Variants in CNTNAP5 observed in about 807,000 individuals in gnomAD.
CNTNAP5 encodes contactin associated protein family member 5.
In CNTNAP5, 72 loss-of-function variants were observed where a neutral mutation model predicts 150.2. The ratio of observed to expected loss-of-function variants is 0.48; its 90% CI spans 0.40 to 0.58. The LOEUF (loss-of-function observed/expected upper bound fraction) is 0.58, where lower values mean the gene tolerates loss of function less well. Among genes scored for constraint, CNTNAP5 ranks in the 20% least tolerant of loss-of-function variants. CNTNAP5 has a pLI of 0.00. For missense variants in CNTNAP5, 1,636 were observed against 1,626.2 expected (o/e 1.01, Z -0.10); for synonymous variants, 672 against 619.8 (o/e 1.08, Z -1.25).
At chr2:124,342,139 A>C (rs1689634466) in intron 3 of CNTNAP5, among the ~76,000 whole-genome samples, 1 of 152,166 alleles carries the variant, frequency 6.6e-6, no homozygotes, top group Admixed American at 6.6e-5. Flanking sequence ...AGTCACTCTA[A>C]TTTTTACCAA....
At chr2:124,511,489 CCTACCTGTGCT>C (rs1694588162) in intron 8 of CNTNAP5, among the ~76,000 whole-genome samples, 1 of 152,202 alleles carries the variant, frequency 6.6e-6, no homozygotes. Context: ...TGTGCGTCAG[CCTACCTGTGCT>C]CTAATCAGAT....
At chr2:124,302,894 C>A (rs1573902575) in intron 3 of CNTNAP5, among the ~76,000 whole-genome samples, 2 of 152,196 alleles carry the variant, frequency 1.3e-5, no homozygotes, top group Non-Finnish European at 1.5e-5. Context: ...ATCTTGTCAC[C>A]AGATTCTGGC....
At chr2:124,810,201 C>T (rs1682177461) in intron 19 of CNTNAP5, among the ~76,000 whole-genome samples, 1 of 152,152 alleles carries the variant, frequency 6.6e-6, no homozygotes, top group Non-Finnish European at 1.5e-5. Context: ...TAACGCAACA[C>T]ACATTTATCA....
chr2:124,029,360 G>A (rs1160621170), intron 1 of CNTNAP5, among the ~76,000 whole-genome samples: 1 of 152,048 alleles, frequency 6.6e-6, no homozygotes, highest in Non-Finnish European at 1.5e-5. Flanking sequence ...GTCACCACAA[G>A]TAAAGGAAGC....
At chr2:124,764,229 G>A (rs985383926) in intron 16 of CNTNAP5, 82 bp downstream of exon 16, 5 of 1,054,636 alleles carry the variant, frequency 4.7e-6, no homozygotes, top group Non-Finnish European at 7.2e-6. Flanking sequence ...TCACTAGTGG[G>A]CATTTGTACC....
At chr2:124,588,688 C>T (rs997114385) in intron 11 of CNTNAP5, among the ~76,000 whole-genome samples, 2 of 151,970 alleles carry the variant, frequency 1.3e-5, no homozygotes, top group Non-Finnish European at 2.9e-5. Flanking sequence ...GTCAGGGTGA[C>T]GTCAATGTAA....
intron 12 of CNTNAP5, among the ~76,000 whole-genome samples, chr2:124,628,186 C>G (rs1016710743): frequency 6.6e-6 from 1 of 152,068 alleles, no homozygotes; most frequent in Non-Finnish European, 1.5e-5. Flanking sequence ...GAAAGACAAG[C>G]CAATATTCAA....
chr2:124,609,823 G>A lies in CNTNAP5; in HGVS notation c.1779G>A (p.Glu593=). The A allele has an allele frequency of 6.2e-7, 1 of 1,613,936 alleles. No homozygotes were observed. The highest frequency in any genetic ancestry group is 1.1e-5 in the South Asian group (1 of 91,080). ...CHNSIYEQSC[E]VYRHQGNTAG... Reference sequence around the variant, plus strand: ...CAGCCATCTACGAGCAATCCTGCGAGGTGTACAGGCACCAGGGGAATACAG... The same window carrying A: ...CAGCCATCTACGAGCAATCCTGCGAAGTGTACAGGCACCAGGGGAATACAG... Residue 593 remains glutamate, a synonymous_variant, in exon 12 of 24, where the codon GAG becomes GAA. Coordinates refer to ENST00000682447, the MANE Select transcript of CNTNAP5 (RefSeq NM_001367498.1).
At chr2:124,471,711 G>A (rs1693520238) in intron 6 of CNTNAP5, among the ~76,000 whole-genome samples, 1 of 151,832 alleles carries the variant, frequency 6.6e-6, no homozygotes, top group Admixed American at 6.6e-5. Context: ...TTTCATATGT[G>A]GGTCTTATTA....
At chr2:124,358,123 A>G (rs1166242434) in intron 3 of CNTNAP5, among the ~76,000 whole-genome samples, 2 of 152,168 alleles carry the variant, frequency 1.3e-5, no homozygotes, top group East Asian at 3.9e-4. Flanking sequence ...TTGGTGTATA[A>G]GAATGCTTGT....
intron 6 of CNTNAP5, among the ~76,000 whole-genome samples, chr2:124,462,632 C>T (rs950025046): frequency 9.2e-5 from 14 of 152,264 alleles, no homozygotes; most frequent in Admixed American, 5.2e-4. Flanking sequence ...GCCAATAAGA[C>T]ATTTGGAGAC....
In CNTNAP5 at chr2:124,510,421, G is replaced by A. The variant is rs767806674; in HGVS notation, c.1327+5865G>A. 3.8e-4 allele frequency among the ~76,000 whole-genome samples: 47 copies of A among 125,058 alleles called. 1 individual carries two copies. The highest frequency in any genetic ancestry group is 6.3e-3 in the Middle Eastern group (1 of 160). The allele number at this position is 125,058 out of a possible 152,430, so 82.0% of individuals were successfully genotyped here. ...CATTGGCCACTGCACTCCAGCCTAG[G>A]TGACAGAGCAAGACTCCATCAAAAA... On this transcript the variant is annotated intron_variant, in intron 8 of 23. Coordinates refer to ENST00000682447, the MANE Select transcript of CNTNAP5 (RefSeq NM_001367498.1).
At chr2:124,669,536 G>A (rs1678766558) in intron 13 of CNTNAP5, among the ~76,000 whole-genome samples, 1 of 152,170 alleles carries the variant, frequency 6.6e-6, no homozygotes, top group Non-Finnish European at 1.5e-5. Flanking sequence ...TTCTTGGATT[G>A]CCATTCAGTC....
At chr2:124,238,578 T>G (rs1686808786) in intron 2 of CNTNAP5, among the ~76,000 whole-genome samples, 1 of 152,176 alleles carries the variant, frequency 6.6e-6, no homozygotes, top group Admixed American at 6.5e-5. Context: ...AGTGTTCCCT[T>G]TAAGTGTAAA....
intron 13 of CNTNAP5, among the ~76,000 whole-genome samples, chr2:124,682,291 G>A (rs1324365754): frequency 1.3e-5 from 2 of 152,156 alleles, no homozygotes; most frequent in Non-Finnish European, 2.9e-5. Flanking sequence ...ACCTTATGCA[G>A]CTGAGAGGTC....
intron 3 of CNTNAP5, among the ~76,000 whole-genome samples, chr2:124,306,956 G>C (rs763693657): frequency 6.6e-6 from 1 of 151,822 alleles, no homozygotes; most frequent in Non-Finnish European, 1.5e-5. Context: ...TCAAACTCCT[G>C]ACCTCAGGTG....
chr2:124,784,199 CTGTACTAATTTTTA>C (rs1364604437), intron 17 of CNTNAP5, among the ~76,000 whole-genome samples: 2 of 152,120 alleles, frequency 1.3e-5, no homozygotes, highest in Non-Finnish European at 1.5e-5. Context: ...AAAGGTGGCA[CTGTACTAATTTTTA>C]TGAAATAAGA....
chr2:124,856,394 G>T (rs1008478905), intron 19 of CNTNAP5, among the ~76,000 whole-genome samples: 1 of 152,096 alleles, frequency 6.6e-6, no homozygotes, highest in East Asian at 1.9e-4. Flanking sequence ...TCTACTTTTA[G>T]TTCTTTAAGG....
At chr2:124,898,202 T>A (rs539321386) in intron 21 of CNTNAP5, among the ~76,000 whole-genome samples, 35 of 151,556 alleles carry the variant, frequency 2.3e-4, no homozygotes, top group South Asian at 1.0e-3. Flanking sequence ...AACATTTTAC[T>A]CTTATAAGCC....
Sources: allele counts gnomAD v4.1 joint callset (sites outside exome capture counted in the v4.1 genomes callset), GRCh38; gene constraint gnomAD v4.1.1; transcripts MANE v1.5; gene names NCBI Gene and HGNC (gene_info 2026-07-23, HGNC 2026-07-21).